Variants in TRAPPC8 observed in about 807,000 individuals in gnomAD.
The protein encoded by TRAPPC8 is trafficking protein particle complex subunit 8.
A neutral mutation model predicts 174.3 loss-of-function variants in TRAPPC8; 54 were observed. That is an observed-to-expected ratio of 0.31 (90% CI 0.25 to 0.39). TRAPPC8 has a LOEUF of 0.39. TRAPPC8 is among the 10% of genes least tolerant of loss of function. TRAPPC8 has a pLI of 1.00. For missense variants in TRAPPC8, 1,531 were observed against 1,699.1 expected, an observed-to-expected ratio of 0.90 and a Z score of 1.74; for synonymous variants, 630 against 579.9, an observed-to-expected ratio of 1.09 and a Z score of -1.24.
At chr18:31,837,739 AT>A (rs1385750941) in intron 27 of TRAPPC8, among the ~76,000 whole-genome samples, 7 of 152,004 alleles carry the variant, frequency 4.6e-5, no homozygotes, top group Non-Finnish European at 1.0e-4. Flanking sequence ...AGAAAAAAAA[AT>A]ATTTTAAAAG....
At chr18:31,852,708 A>G (rs2033776432) in intron 22 of TRAPPC8, 45 bp from the exon 23 acceptor site, 1 of 1,507,796 alleles carries the variant, frequency 6.6e-7, no homozygotes, top group Non-Finnish European at 9.2e-7. Context: ...TCAGTTCATC[A>G]CATGATAAAA....
At chr18:31,849,065 T>C (rs2033562860) in intron 25 of TRAPPC8, among the ~76,000 whole-genome samples, 1 of 152,050 alleles carries the variant, frequency 6.6e-6, no homozygotes, top group African/African-American at 2.4e-5. Flanking sequence ...TGTGCAGTTA[T>C]ATTAAACAAA....
At chr18:31,941,141 G>T (rs2144337726) in intron 1 of TRAPPC8, among the ~76,000 whole-genome samples, 1 of 152,252 alleles carries the variant, frequency 6.6e-6, no homozygotes, top group East Asian at 1.9e-4. Flanking sequence ...TCAAGTGTTT[G>T]TGTTTTTTTA....
Position 31,936,902 on chromosome 18 carries a change from TAAAAAAAAAAAAAA to T in TRAPPC8, c.158-5393_158-5380del, listed in dbSNP as rs376783471. On this transcript the variant is annotated intron_variant, in intron 1 of 28. Coordinates refer to ENST00000283351, the MANE Select transcript of TRAPPC8 (RefSeq NM_014939.5). Reference sequence around the variant, plus strand: ...GGGTGACAGAGCAAGACTCCGTCTTTAAAAAAAAAAAAAAAAAAAAAAAAAAGGAGCCAGGCGCG... The same window carrying T: ...GGGTGACAGAGCAAGACTCCGTCTTTAAAAAAAAAAAAGGAGCCAGGCGCG... Among the ~76,000 whole-genome samples the T allele has an allele frequency of 2.2e-5, 2 of 92,496 alleles. 1 individual carries two copies. Among genetic ancestry groups the T allele is most frequent in the African/African-American group, 9.4e-5 (2 of 21,174 alleles). 60.7% of individuals were successfully genotyped at this position (92,496 alleles called of 152,430 possible). A position where few individuals can be genotyped will look rare whatever the true frequency, so the allele number is the denominator to read the frequency against.
intron 2 of TRAPPC8, among the ~76,000 whole-genome samples, chr18:31,926,267 A>AT (rs995742414): frequency 1.9e-4 from 29 of 152,100 alleles, no homozygotes; most frequent in Admixed American, 7.2e-4. Flanking sequence ...AATAGCTAAG[A>AT]TTTTTTTGTC....
At chr18:31,833,635 C>T (rs1433233621) in intron 27 of TRAPPC8, among the ~76,000 whole-genome samples, 1 of 152,196 alleles carries the variant, frequency 6.6e-6, no homozygotes, top group Admixed American at 6.5e-5. Flanking sequence ...AAATACCTGG[C>T]AAGCTTGTTT....
rs1263610615 is a variant in TRAPPC8 at position 31,839,267 on chromosome 18, C to T, written c.3983+45G>A. 4 of 1,559,644 alleles carry T rather than the reference C, an allele frequency of 2.6e-6. No individual in the cohort carries two copies. The African/African-American group carries it at 5.5e-5, about 21-fold the overall frequency. On this transcript the variant is annotated intron_variant, in intron 27 of 28. Transcript: ENST00000283351. ...AAAATAAAAGAAACAAATACACGTG[C>T]CAGTGTGTTGTAGAAAATTTTGGTA...
intron 12 of TRAPPC8, among the ~76,000 whole-genome samples, chr18:31,881,904 G>C (rs539357010): frequency 3.5e-4 from 54 of 152,220 alleles, no homozygotes; most frequent in South Asian, 2.9e-3. Flanking sequence ...CTAATCATTA[G>C]AGAAATGTAA....
At chr18:31,920,877 G>A (rs1210260639) in intron 2 of TRAPPC8, among the ~76,000 whole-genome samples, 1 of 147,694 alleles carries the variant, frequency 6.8e-6, no homozygotes, top group Non-Finnish European at 1.5e-5. Context: ...GGAGACAGAG[G>A]TTGCAGTGAG....
chr18:31,883,608 A>G (rs1192789012), intron 12 of TRAPPC8: 1 of 153,110 alleles, frequency 6.5e-6, no homozygotes, highest in Non-Finnish European at 1.5e-5. Flanking sequence ...TCACTGCCCA[A>G]CTAATGAAAG....
In TRAPPC8 at chr18:31,857,797, A is replaced by C. The variant is rs751081276; in HGVS notation, c.2931T>G (p.Asn977Lys). Residue 977 changes from asparagine to lysine, a missense_variant, in exon 20 of 29, where the codon AAT becomes AAG. Coordinates refer to ENST00000283351, the MANE Select transcript of TRAPPC8 (RefSeq NM_014939.5). ...TCACAACAGTCTTGTAAGCACTACA[A>C]TTCTCAGAAGCTGAGGGACTTAGTG... is the stretch of plus-strand genomic sequence containing the variant. Reference protein sequence around the residue: ...LTPLSPSASENCSAYKTVVTD... With the variant: ...LTPLSPSASEKCSAYKTVVTD... 6.2e-7 allele frequency: 1 copy of C among 1,614,208 alleles called. No individual in the cohort carries two copies. Among genetic ancestry groups the C allele is most frequent in the Non-Finnish European group, 8.5e-7 (1 of 1,180,034 alleles).
chr18:31,921,052 A>G (rs1320791883), intron 2 of TRAPPC8, among the ~76,000 whole-genome samples: 1 of 152,116 alleles, frequency 6.6e-6, no homozygotes, highest in African/African-American at 2.4e-5. Context: ...ACCATTAAAA[A>G]GATACATTAG....
intron 19 of TRAPPC8, among the ~76,000 whole-genome samples, chr18:31,862,634 TTAAA>T (rs2034386442): frequency 6.6e-6 from 1 of 151,948 alleles, no homozygotes; most frequent in African/African-American, 2.4e-5. Context: ...TAAGCAAGGG[TTAAA>T]TGTGGACAGA....
In TRAPPC8 at chr18:31,839,842, T is replaced by TA. The variant is rs2032990593; in HGVS notation, c.3838-386dup. On this transcript the variant is annotated intron_variant, in intron 26 of 28. Coordinates refer to ENST00000283351, the MANE Select transcript of TRAPPC8 (RefSeq NM_014939.5). ...TCATCTGATAATACTGCACAGGACT[T>TA]AGGACTGCAGACATTCGATTGCATA... 3.3e-5 allele frequency among the ~76,000 whole-genome samples: 5 copies of TA among 152,326 alleles called. No homozygotes were observed. The South Asian group carries it at 1.0e-3, about 32-fold the overall frequency.
chr18:31,887,091 T>A (rs118094616), intron 12 of TRAPPC8, among the ~76,000 whole-genome samples: 1 of 152,194 alleles, frequency 6.6e-6, no homozygotes, highest in Non-Finnish European at 1.5e-5. Context: ...AATACAACCC[T>A]GTTTTAAATT....
At chr18:31,834,011 A>AAC (rs1251512811) in intron 27 of TRAPPC8, among the ~76,000 whole-genome samples, 5 of 151,022 alleles carry the variant, frequency 3.3e-5, no homozygotes, top group East Asian at 3.9e-4. Flanking sequence ...CAAAAAAAAA[A>AAC]AACAAAAAAC....
At chr18:31,867,771 C>T (rs529471791) in intron 16 of TRAPPC8, among the ~76,000 whole-genome samples, 116 of 152,144 alleles carry the variant, frequency 7.6e-4, no homozygotes, top group African/African-American at 2.7e-3. Context: ...CCAAGCTACT[C>T]AGGAGGCTGA....
chr18:31,874,266 T>G, intron 13 of TRAPPC8: 1 of 514,334 alleles, frequency 1.9e-6, no homozygotes. Context: ...ACAAATCAAG[T>G]GTTCATTGTA....
At chr18:31,936,928 A>G (rs1466713062) in intron 1 of TRAPPC8, among the ~76,000 whole-genome samples, 1 of 146,126 alleles carries the variant, frequency 6.8e-6, no homozygotes, top group South Asian at 2.2e-4. Flanking sequence ...AAAAAAAAAA[A>G]GGAGCCAGGC....
Sources: allele counts gnomAD v4.1 joint callset (sites outside exome capture counted in the v4.1 genomes callset), GRCh38; gene constraint gnomAD v4.1.1; transcripts MANE v1.5; gene names NCBI Gene and HGNC (gene_info 2026-07-23, HGNC 2026-07-21).